The following ZNF638 variants were observed in gnomAD, a reference collection of about 807,000 sequenced individuals.
The protein encoded by ZNF638 is CTCL tumor antigen se33-1.
A neutral mutation model predicts 195.6 loss-of-function variants in ZNF638; 46 were observed. That is an observed-to-expected ratio of 0.24 (90% CI 0.19 to 0.30). The LOEUF (loss-of-function observed/expected upper bound fraction) is 0.30, where lower values mean the gene tolerates loss of function less well. Among genes scored for constraint, ZNF638 ranks in the 10% least tolerant of loss-of-function variants. The probability of loss-of-function intolerance (pLI) is 1.00; values close to 1 mark genes in which losing one functional copy is unlikely to be tolerated. For missense variants in ZNF638, 2,440 were observed against 2,325.3 expected, an observed-to-expected ratio of 1.05 and a Z score of -1.01; for synonymous variants, 845 against 772.0, an observed-to-expected ratio of 1.09 and a Z score of -1.57.
At position 71,364,045 on chromosome 2, in the gene ZNF638, A is replaced by C. The variant is rs2079153969; in HGVS notation, c.1510A>C (p.Arg504=). ...TTCTAGAAGATCAAGCTCAAGTCAC[A>C]GATTCCGTCGGTCTCGAAGCCCAAT... ...RRSRRSSSSH[R]FRRSRSPMHY... Residue 504 remains arginine (R), a synonymous_variant, in exon 5 of 28, where the codon AGA becomes CGA. Transcript: ENST00000264447. The C allele has an allele frequency of 6.2e-7, 1 of 1,614,214 alleles. No individual in the cohort carries two copies. The highest frequency in any genetic ancestry group is 8.5e-7 in the Non-Finnish European group (1 of 1,180,034).
chr2:71,396,039 T>C, intron 10 of ZNF638, 102 bp from the exon 11 acceptor site: 4 of 1,059,044 alleles, frequency 3.8e-6, no homozygotes, highest in Non-Finnish European at 5.8e-6. Flanking sequence ...TAGGGCTGTT[T>C]CTTGCAGGGT....
At chr2:71,396,341 G>A (rs1410533747) in intron 11 of ZNF638, 150 bp downstream of exon 11, 13 of 647,540 alleles carry the variant, frequency 2.0e-5, no homozygotes, top group Non-Finnish European at 3.2e-5. Context: ...TAGCAATTTT[G>A]AGAAATGATA....
rs774285607 is a variant in ZNF638 at position 71,395,304 on chromosome 2, A to T, written c.2378-837A>T. ...ACGCCTGACAAACCTGCTGCTGTGC[A>T]CATCTGTACTCTTCAATCAACAAAA... On this transcript the variant is annotated intron_variant, in intron 10 of 27. Transcript: ENST00000264447. 4.2e-6 allele frequency: 3 copies of T among 717,176 alleles called. 1 individual carries two copies. In the South Asian group the frequency reaches 4.4e-5, roughly 11 times the overall value. The allele number at this position is 717,176 out of a possible 1,614,324, so 44.4% of individuals were successfully genotyped here.
chr2:71,414,165 G>A (rs959605889), intron 20 of ZNF638, among the ~76,000 whole-genome samples: 2 of 125,490 alleles, frequency 1.6e-5, no homozygotes, highest in Admixed American at 8.6e-5. Flanking sequence ...CCTGTTATTG[G>A]TCTATTCAGA....
intron 7 of ZNF638, among the ~76,000 whole-genome samples, chr2:71,369,531 G>T (rs1034964265): frequency 6.6e-6 from 1 of 152,056 alleles, no homozygotes; most frequent in African/African-American, 2.4e-5. Flanking sequence ...TGTTGTCTTT[G>T]TTGCAAGAAG....
At chr2:71,336,926 C>T (rs769445720) in intron 1 of ZNF638, among the ~76,000 whole-genome samples, 1 of 152,194 alleles carries the variant, frequency 6.6e-6, no homozygotes, top group African/African-American at 2.4e-5. Context: ...AAGTCATTCA[C>T]TGGCACCCCT....
intron 8 of ZNF638, among the ~76,000 whole-genome samples, chr2:71,378,140 T>G (rs889335951): frequency 2.6e-5 from 4 of 152,182 alleles, no homozygotes; most frequent in African/African-American, 9.7e-5. Context: ...GACTAAAATC[T>G]AAATAATCAC....
intron 2 of ZNF638, among the ~76,000 whole-genome samples, chr2:71,354,064 A>G (rs927186822): frequency 1.3e-5 from 2 of 152,370 alleles, no homozygotes; most frequent in South Asian, 4.1e-4. Flanking sequence ...ATTGCAAATC[A>G]GTGTACCTTC....
intron 10 of ZNF638, chr2:71,395,265 G>C (rs1181650312): frequency 1.4e-6 from 1 of 717,258 alleles, no homozygotes; most frequent in Non-Finnish European, 2.6e-6. Flanking sequence ...GCCGGAATAC[G>C]AGCAGTAATC....
At chr2:71,360,583 CTTTTT>C (rs1258827934) in intron 3 of ZNF638, among the ~76,000 whole-genome samples, 1 of 147,332 alleles carries the variant, frequency 6.8e-6, no homozygotes, top group Non-Finnish European at 1.5e-5. Flanking sequence ...TTTTGTTTGT[CTTTTT>C]TTTTTGTTTG....
At chr2:71,400,210 T>G (rs1393160043) in intron 14 of ZNF638, 30 bp downstream of exon 14, 16 of 1,553,332 alleles carry the variant, frequency 1.0e-5, no homozygotes, top group Non-Finnish European at 1.1e-5. Flanking sequence ...ATTTTGTTCT[T>G]TACTTATTTT....
intron 15 of ZNF638, among the ~76,000 whole-genome samples, chr2:71,401,160 C>A (rs1573123198): frequency 1.3e-5 from 2 of 152,186 alleles, no homozygotes; most frequent in South Asian, 2.1e-4. Context: ...TGTAAAGTCA[C>A]ACTAAACTGG....
In ZNF638 at chr2:71,426,824, A is replaced by G. The variant is rs1297052211; in HGVS notation, c.4955A>G (p.Asp1652Gly). 1.2e-6 allele frequency: 2 copies of G among 1,613,536 alleles called. No homozygotes were observed. The highest frequency in any genetic ancestry group is 1.7e-6 in the Non-Finnish European group (2 of 1,179,622). The change falls in exon 24 of 28, where the codon GAT becomes GGT. Residue 1652 changes from aspartate to glycine, a missense_variant. Asp to Gly is a moderately conservative substitution (Grantham distance 94, BLOSUM62 -1). Around this residue, in one of 5 missense-constraint regions of ZNF638, gnomAD observed 1,883 missense variants for 1,739.1 expected, o/e 1.08. Coordinates refer to ENST00000264447, the MANE Select transcript of ZNF638 (RefSeq NM_014497.5). ...LFTLDELIDQ[D>G]DCISHSEPKD... ...ACATTAGATGAATTAATTGACCAAG[A>G]TGATTGCATTTCCCACAGTGAACCT...
chr2:71,348,724 T>C, intron 1 of ZNF638, 29 bp from the exon 2 acceptor site: 1 of 1,488,442 alleles, frequency 6.7e-7, no homozygotes, highest in East Asian at 2.6e-5. Flanking sequence ...TGAGTTAAAA[T>C]GATCTAATAT....
At position 71,400,122 on chromosome 2, in the gene ZNF638, A is replaced by C. The variant is rs149108193; in HGVS notation, c.2598A>C (p.Glu866Asp). The change falls in exon 14 of 28, where the codon GAA becomes GAC. Residue 866 changes from glutamate to aspartate, a missense_variant. Transcript: ENST00000264447. ...GACTATTTCATGCAGAAAACTCTGA[A>C]ATAAAGACCAGTATTGAAGTCAAAG... ...NKPVTIPENS[E>D]IKTSIEVKAT... 57 of 1,605,776 alleles carry C rather than the reference A, an allele frequency of 3.5e-5. 1 individual carries two copies. The African/African-American group carries it at 6.4e-4, about 18-fold the overall frequency.
intron 3 of ZNF638, 121 bp downstream of exon 3, chr2:71,355,901 G>T: frequency 2.0e-6 from 1 of 496,616 alleles, no homozygotes. Flanking sequence ...GAAAGCTATT[G>T]TCTTTTAAAA....
At chr2:71,379,067 T>C (rs1236102108) in intron 8 of ZNF638, among the ~76,000 whole-genome samples, 2 of 152,084 alleles carry the variant, frequency 1.3e-5, no homozygotes, top group African/African-American at 4.8e-5. Flanking sequence ...ATGTTGTGAA[T>C]AGAGAGTGAG....
chr2:71,370,035 A>G (rs960630301), intron 8 of ZNF638, 30 bp downstream of exon 8: 2 of 1,579,106 alleles, frequency 1.3e-6, no homozygotes, highest in Non-Finnish European at 1.7e-6. Context: ...TAAATGTTTT[A>G]TCACTGTTGT....
intron 14 of ZNF638, 61 bp from the exon 15 acceptor site, chr2:71,400,417 G>A: frequency 6.7e-7 from 1 of 1,493,030 alleles, no homozygotes. Context: ...AACCTATTGT[G>A]GAATAAAGTA....
Sources: allele counts gnomAD v4.1 joint callset (sites outside exome capture counted in the v4.1 genomes callset), GRCh38; gene constraint gnomAD v4.1.1; regional missense constraint gnomAD v4.1.1; transcripts MANE v1.5; gene names NCBI Gene and HGNC (gene_info 2026-07-23, HGNC 2026-07-21).